CSMD3: variants seen among roughly 807,000 people sequenced by gnomAD.
CSMD3 encodes CUB and Sushi multiple domains 3.
A neutral mutation model predicts 435.2 loss-of-function variants in CSMD3; 177 were observed. The ratio of observed to expected loss-of-function variants is 0.41; its 90% CI spans 0.36 to 0.46. The LOEUF (loss-of-function observed/expected upper bound fraction) is 0.46, where lower values mean the gene tolerates loss of function less well. Among genes scored for constraint, CSMD3 ranks in the 20% least tolerant of loss-of-function variants. The pLI is 0.34. For missense variants in CSMD3, 4,265 were observed against 4,504.6 expected (o/e 0.95, Z 1.52); for synonymous variants, 1,656 against 1,520.5 (o/e 1.09, Z -2.07).
chr8:112,718,460 T>A (rs2076782254), intron 13 of CSMD3, among the ~76,000 whole-genome samples: 1 of 151,654 alleles, frequency 6.6e-6, no homozygotes, highest in Non-Finnish European at 1.5e-5. Context: ...CATTCTCTCT[T>A]CAGTGTTTTA....
chr8:112,804,380 G>T (rs2079030555), intron 12 of CSMD3, among the ~76,000 whole-genome samples: 1 of 151,984 alleles, frequency 6.6e-6, no homozygotes, highest in Non-Finnish European at 1.5e-5. Flanking sequence ...TTTAGTAAAA[G>T]GCATAACCCC....
intron 1 of CSMD3, among the ~76,000 whole-genome samples, chr8:113,330,661 C>T (rs987084286): frequency 2.0e-5 from 3 of 151,548 alleles, no homozygotes; most frequent in Non-Finnish European, 4.4e-5. Context: ...TCATATCATA[C>T]CAAATAGACA....
At chr8:113,078,875 T>C (rs945975736) in intron 5 of CSMD3, among the ~76,000 whole-genome samples, 9 of 152,024 alleles carry the variant, frequency 5.9e-5, no homozygotes, top group African/African-American at 2.2e-4. Context: ...ACAATTACAT[T>C]TAGAGAACGC....
intron 60 of CSMD3, 98 bp from the exon 61 acceptor site, chr8:112,263,910 T>C (rs1016720496): frequency 9.1e-7 from 1 of 1,095,292 alleles, no homozygotes; most frequent in Non-Finnish European, 1.4e-6. Flanking sequence ...TGTGCTAATT[T>C]AACCTTTTCG....
chr8:112,319,782 A>G (rs891402332), intron 46 of CSMD3, 119 bp downstream of exon 46: 2 of 777,076 alleles, frequency 2.6e-6, no homozygotes, highest in South Asian at 2.8e-5. Context: ...AATAATCTCT[A>G]TCAACACAGG....
intron 22 of CSMD3, among the ~76,000 whole-genome samples, chr8:112,608,527 A>G (rs751138437): frequency 4.8e-4 from 73 of 152,122 alleles, no homozygotes; most frequent in Non-Finnish European, 8.7e-4. Context: ...CTGGTTTCAA[A>G]TTATTACAAA....
At chr8:113,375,161 G>A (rs1215983009) in intron 1 of CSMD3, among the ~76,000 whole-genome samples, 1 of 152,072 alleles carries the variant, frequency 6.6e-6, no homozygotes, top group Non-Finnish European at 1.5e-5. Flanking sequence ...TAAGAATGGA[G>A]CATCACTGAA....
intron 5 of CSMD3, among the ~76,000 whole-genome samples, chr8:113,095,916 C>G (rs577429806): frequency 6.6e-6 from 1 of 152,154 alleles, no homozygotes; most frequent in Admixed American, 6.5e-5. Flanking sequence ...GATAACTGTA[C>G]TGTATTGTTT....
intron 1 of CSMD3, among the ~76,000 whole-genome samples, chr8:113,343,107 A>G (rs11778054): frequency 0.78 from 118,616 of 151,968 alleles, 47,422 homozygotes; most frequent in Middle Eastern, 0.88. Context: ...GGAGGAAGAA[A>G]AGACTGAAGG....
chr8:113,201,369 G>A (rs571463835), intron 3 of CSMD3, among the ~76,000 whole-genome samples: 1 of 151,834 alleles, frequency 6.6e-6, no homozygotes, highest in Non-Finnish European at 1.5e-5. Flanking sequence ...ATTGAAATTA[G>A]TCATAACAAA....
At chr8:113,254,249 G>A (rs1700074643) in intron 3 of CSMD3, among the ~76,000 whole-genome samples, 1 of 152,184 alleles carries the variant, frequency 6.6e-6, no homozygotes, top group South Asian at 2.1e-4. Context: ...AAAATCAGCT[G>A]TGAAATCATT....
At chr8:112,794,695 T>G (rs1338769213) in intron 13 of CSMD3, among the ~76,000 whole-genome samples, 2 of 152,086 alleles carry the variant, frequency 1.3e-5, no homozygotes, top group Non-Finnish European at 2.9e-5. Flanking sequence ...TCTAGAATAG[T>G]TCAGTCACTA....
At chr8:112,761,950 G>A (rs2077849348) in intron 13 of CSMD3, among the ~76,000 whole-genome samples, 1 of 152,098 alleles carries the variant, frequency 6.6e-6, no homozygotes, top group South Asian at 2.1e-4. Context: ...AGACAGCTAC[G>A]TGGACAATAG....
intron 1 of CSMD3, among the ~76,000 whole-genome samples, chr8:113,372,940 C>CA (rs34032302): frequency 0.64 from 80,402 of 125,154 alleles, 24,255 homozygotes; most frequent in East Asian, 0.75. Context: ...GACTCCGTCT[C>CA]AAAAAAAAAA....
intron 1 of CSMD3, among the ~76,000 whole-genome samples, chr8:113,386,682 G>C (rs543428846): frequency 6.6e-6 from 1 of 151,808 alleles, no homozygotes; most frequent in African/African-American, 2.4e-5. Context: ...ATAGCAATTA[G>C]ACTACATTCA....
At chr8:112,386,978 C>T (rs955442595) in intron 36 of CSMD3, among the ~76,000 whole-genome samples, 12 of 152,100 alleles carry the variant, frequency 7.9e-5, no homozygotes, top group Non-Finnish European at 1.0e-4. Flanking sequence ...TATAAAATCA[C>T]GATAATCATG....
chr8:112,416,482 T>C (rs1039281919), intron 32 of CSMD3, among the ~76,000 whole-genome samples: 1 of 152,230 alleles, frequency 6.6e-6, no homozygotes, highest in Non-Finnish European at 1.5e-5. Context: ...ACTATTCTTC[T>C]ATTGTTTAAC....
chr8:113,414,796 A>G (rs2094574850), intron 1 of CSMD3, among the ~76,000 whole-genome samples: 1 of 151,964 alleles, frequency 6.6e-6, no homozygotes, highest in African/African-American at 2.4e-5. Context: ...CTCTTTCTCT[A>G]CAAATAATAC....
chr8:112,369,640 C>A (rs949015634), intron 38 of CSMD3, among the ~76,000 whole-genome samples: 5 of 152,150 alleles, frequency 3.3e-5, no homozygotes, highest in Admixed American at 3.3e-4. Context: ...CATGTTCTCA[C>A]TCATAGGTGG....
Sources: gnomAD v4.1 joint callset for allele counts (sites outside exome capture counted in the v4.1 genomes callset) on GRCh38, gnomAD v4.1.1 for gene constraint, MANE v1.5 for transcripts, NCBI Gene and HGNC (gene_info 2026-07-23, HGNC 2026-07-21) for gene names.